RGPD3: variants seen among roughly 807,000 people sequenced by gnomAD.
The protein encoded by RGPD3 is ranBP2-like and GRIP domain-containing protein 3.
In RGPD3, 62 loss-of-function variants were observed where a neutral mutation model predicts 154.5. The ratio of observed to expected loss-of-function variants is 0.40; its 90% confidence interval spans 0.33 to 0.50. The LOEUF is 0.50. Among genes scored for constraint, RGPD3 ranks in the 20% least tolerant of loss-of-function variants. The pLI is 0.59. For synonymous variants in RGPD3, 308 were observed against 607.0 expected, an observed-to-expected ratio of 0.51 and a Z score of 7.24; for missense variants, 919 against 1,716.8, an observed-to-expected ratio of 0.54 and a Z score of 8.21.
upstream of RGPD3, among the ~76,000 whole-genome samples, chr2:106,470,003 G>A (rs368250382): frequency 6.6e-6 from 1 of 151,990 alleles, no homozygotes; most frequent in Non-Finnish European, 1.5e-5. Flanking sequence ...GTAAATCCCA[G>A]TTCTACCACT....
At chr2:106,408,782 T>C (rs1676583433) in intron 22 of RGPD3, among the ~76,000 whole-genome samples, 1 of 152,102 alleles carries the variant, frequency 6.6e-6, no homozygotes, top group African/African-American at 2.4e-5. Flanking sequence ...GAACCCCTTA[T>C]AACAAAGAAT....
intron 1 of RGPD3, among the ~76,000 whole-genome samples, chr2:106,466,102 G>T (rs1303218623): frequency 2.0e-5 from 3 of 151,688 alleles, no homozygotes; most frequent in Non-Finnish European, 4.4e-5. Flanking sequence ...TAGGCCGCGC[G>T]GGTACTACGG....
chr2:106,448,939 C>T (rs540166605), intron 6 of RGPD3, among the ~76,000 whole-genome samples: 1 of 151,212 alleles, frequency 6.6e-6, no homozygotes, highest in South Asian at 2.1e-4. Flanking sequence ...GATCCACCCG[C>T]CTTGGCCTCC....
rs2439167 is a variant in RGPD3, at chr2:106,403,587, C to G, written c.*1632G>C. ...AGTTTATACAGACTTCAAAAGGTCTCAAGTCAAAGAGAAAGTGAAATATAT... is the reference window on the plus strand; with the variant it reads ...AGTTTATACAGACTTCAAAAGGTCTGAAGTCAAAGAGAAAGTGAAATATAT... On this transcript the variant is annotated 3_prime_UTR_variant, in exon 23 of 23. Transcript: ENST00000409886. 1.3e-5 allele frequency among the ~76,000 whole-genome samples: 2 copies of G among 151,368 alleles called. No homozygotes were observed. The highest frequency in any genetic ancestry group is 4.8e-5 in the African/African-American group (2 of 41,276).
At chr2:106,405,616 TCCTC>T (rs1676492820) in intron 22 of RGPD3, among the ~76,000 whole-genome samples, 1 of 152,200 alleles carries the variant, frequency 6.6e-6, no homozygotes, top group Non-Finnish European at 1.5e-5. Context: ...GCTCAAGTGA[TCCTC>T]CCACTTCAGC....
intron 7 of RGPD3, among the ~76,000 whole-genome samples, chr2:106,441,774 G>A (rs1459506186): frequency 8.9e-5 from 13 of 146,530 alleles, no homozygotes; most frequent in African/African-American, 3.0e-4. Flanking sequence ...TGAGGCACAA[G>A]GATAGCTTGA....
intron 7 of RGPD3, among the ~76,000 whole-genome samples, chr2:106,442,489 T>G (rs1051183248): frequency 1.7e-5 from 1 of 59,580 alleles, no homozygotes; most frequent in Admixed American, 2.0e-4. Context: ...CCTAATGCAA[T>G]AACCTATGAA....
chr2:106,422,994 C>T, intron 20 of RGPD3, 49 bp downstream of exon 20: 1 of 1,545,760 alleles, frequency 6.5e-7, no homozygotes, highest in Non-Finnish European at 8.8e-7. Context: ...TCAAGCTAAA[C>T]ATTAAAAGAA....
At chr2:106,448,215 C>T (rs1403192993) in intron 6 of RGPD3, among the ~76,000 whole-genome samples, 2 of 151,530 alleles carry the variant, frequency 1.3e-5, no homozygotes, top group Non-Finnish European at 2.9e-5. Flanking sequence ...TCAAGTGATT[C>T]TCCTGACTCA....
At position 106,468,245 on chromosome 2, in the gene RGPD3, A is replaced by C; in HGVS notation, c.44T>G (p.Val15Gly). 1 of 1,607,894 alleles carries C rather than the reference A, an allele frequency of 6.2e-7. No homozygotes were observed. The highest frequency in any genetic ancestry group is 2.2e-5 in the East Asian group (1 of 44,718). The change falls in exon 1 of 23, where the codon GTG becomes GGG. Residue 15 changes from valine to glycine, a missense_variant. Coordinates refer to ENST00000409886, the MANE Select transcript of RGPD3 (RefSeq NM_001144013.2). Reference sequence around the variant, plus strand: ...TCGAGGCGACGGGGCGGAGCCCTGCACCGAGGCGACGTACCGCTCCCCGTA... The same window carrying C: ...TCGAGGCGACGGGGCGGAGCCCTGCCCCGAGGCGACGTACCGCTCCCCGTA... ...KAYGERYVAS[V>G]QGSAPSPRKK...
chr2:106,415,957 C>G lies in RGPD3; in HGVS notation c.4957G>C (p.Glu1653Gln), dbSNP rs899184318. The part of the protein sequence containing the change: ...PPLWYAEFTK[E>Q]ELVQKLSSTT... ...GAACTGAGCTTCTGAACCAATTCTTCTTTAGTAAATTCAGCATACCATAAT... is the reference window on the plus strand; with the variant it reads ...GAACTGAGCTTCTGAACCAATTCTTGTTTAGTAAATTCAGCATACCATAAT... The change falls in exon 21 of 23, where the codon GAA becomes CAA. Residue 1653 changes from glutamate (E) to glutamine (Q), a missense_variant. Coordinates refer to ENST00000409886, the MANE Select transcript of RGPD3 (RefSeq NM_001144013.2). The G allele has an allele frequency of 1.2e-6, 2 of 1,611,648 alleles. No individual in the cohort carries two copies. The highest frequency in any genetic ancestry group is 1.7e-5 in the Admixed American group (1 of 59,960).
intron 7 of RGPD3, among the ~76,000 whole-genome samples, chr2:106,446,414 A>C (rs1324841414): frequency 6.6e-6 from 1 of 151,738 alleles, no homozygotes; most frequent in Non-Finnish European, 1.5e-5. Context: ...AAAAGTACAA[A>C]AAAAAATTAG....
At chr2:106,470,796 C>A (rs1207082866), upstream of RGPD3, 1 of 1,601,418 alleles carries the variant, frequency 6.2e-7, no homozygotes, top group Admixed American at 1.8e-5. Flanking sequence ...TAGTCCTTTT[C>A]TTACCTCGTC....
intron 1 of RGPD3, among the ~76,000 whole-genome samples, chr2:106,462,619 A>C (rs1210016299): frequency 5.9e-5 from 9 of 152,144 alleles, no homozygotes; most frequent in South Asian, 2.1e-4. Flanking sequence ...TAAGATAGAG[A>C]TGTAATTGTA....
chr2:106,457,224 A>G lies in RGPD3; in HGVS notation c.253-101T>C. 15 of 1,485,980 alleles carry G rather than the reference A, an allele frequency of 1.0e-5. 1 individual carries two copies. The South Asian group carries it at 1.9e-4, about 19-fold the overall frequency. 92.0% of individuals were successfully genotyped at this position (1,485,980 alleles called of 1,614,324 possible). A position where few individuals can be genotyped will look rare whatever the true frequency, so the allele number is the denominator to read the frequency against. ...TTATATATAAAGGTTAAAAATTATC[A>G]CTCCAACCCTTAAAAAATTCTACTT... On this transcript the variant is annotated intron_variant, in intron 3 of 22. Transcript: ENST00000409886.
chr2:106,464,972 CGAA>C (rs1678524621), intron 1 of RGPD3, among the ~76,000 whole-genome samples: 1 of 148,772 alleles, frequency 6.7e-6, no homozygotes, highest in Non-Finnish European at 1.5e-5. Context: ...AGATTACAGA[CGAA>C]GAATATTTTT....
chr2:106,451,099 AAC>A (rs1448286204), intron 6 of RGPD3, among the ~76,000 whole-genome samples: 1 of 145,000 alleles, frequency 6.9e-6, no homozygotes, highest in Non-Finnish European at 1.5e-5. Flanking sequence ...AAAAAAAAAA[AAC>A]AAAAAAGAAA....
intron 7 of RGPD3, among the ~76,000 whole-genome samples, chr2:106,441,817 C>G (rs1193957488): frequency 2.3e-5 from 3 of 130,514 alleles, no homozygotes; most frequent in African/African-American, 8.8e-5. Flanking sequence ...TGCGCCGAGA[C>G]TGTGCCATTG....
intron 8 of RGPD3, among the ~76,000 whole-genome samples, chr2:106,440,807 A>G (rs200946881): frequency 0.075 from 6,414 of 85,384 alleles, 825 homozygotes; most frequent in East Asian, 0.6. Context: ...GACCTTTAGG[A>G]TTCATCCCAA....
Sources: gnomAD v4.1 joint callset for allele counts (sites outside exome capture counted in the v4.1 genomes callset) on GRCh38, gnomAD v4.1.1 for gene constraint, MANE v1.5 for transcripts, NCBI Gene and HGNC (gene_info 2026-07-23, HGNC 2026-07-21) for gene names.